TAFA2: variants seen among roughly 807,000 people sequenced by gnomAD.
TAFA2 encodes chemokine-like protein TAFA-2.
A neutral mutation model predicts 18.8 loss-of-function variants in TAFA2; 7 were observed. That is an observed-to-expected ratio of 0.37 (90% CI 0.21 to 0.70). The LOEUF is 0.70. Ranked by LOEUF, TAFA2 falls within the 30% of genes least tolerant of loss-of-function variation. The pLI, the probability that TAFA2 is intolerant of heterozygous loss-of-function variation, is 0.53. For missense variants in TAFA2, 122 were observed against 158.1 expected, an observed-to-expected ratio of 0.77 and a Z score of 1.23; for synonymous variants, 60 against 54.2, an observed-to-expected ratio of 1.11 and a Z score of -0.47.
At chr12:61,991,256 T>A (rs1879999972) in intron 1 of TAFA2, among the ~76,000 whole-genome samples, 1 of 152,246 alleles carries the variant, frequency 6.6e-6, no homozygotes, top group African/African-American at 2.4e-5. Context: ...CTAACACATA[T>A]AAAGTAAGTG....
chr12:61,967,808 G>GA (rs1435676329), intron 1 of TAFA2, among the ~76,000 whole-genome samples: 1 of 151,762 alleles, frequency 6.6e-6, no homozygotes, highest in Middle Eastern at 3.2e-3. Flanking sequence ...AATGAATGGG[G>GA]AAAAAATATA....
chr12:61,915,104 T>G (rs983484932), intron 1 of TAFA2, among the ~76,000 whole-genome samples: 3 of 152,262 alleles, frequency 2.0e-5, no homozygotes, highest in African/African-American at 7.2e-5. Context: ...GAGGTTGTGG[T>G]GAGCCAAGAT....
intron 4 of TAFA2, among the ~76,000 whole-genome samples, chr12:61,744,763 T>C (rs1013425835): frequency 2.6e-5 from 4 of 152,078 alleles, no homozygotes; most frequent in African/African-American, 7.2e-5. Context: ...GTTGCCCATG[T>C]TGGTCTTTAA....
intron 1 of TAFA2, among the ~76,000 whole-genome samples, chr12:62,226,356 G>C (rs2062786561): frequency 6.6e-6 from 1 of 152,068 alleles, no homozygotes; most frequent in Non-Finnish European, 1.5e-5. Context: ...ACCACGCCTG[G>C]CTAATTTTGT....
chr12:62,238,656 A>G (rs1592414980), intron 1 of TAFA2, among the ~76,000 whole-genome samples: 1 of 152,214 alleles, frequency 6.6e-6, no homozygotes, highest in East Asian at 1.9e-4. Flanking sequence ...AAATCTGACC[A>G]TCCCACAAGA....
At chr12:61,749,513 T>C (rs1868906171) in intron 4 of TAFA2, among the ~76,000 whole-genome samples, 1 of 152,144 alleles carries the variant, frequency 6.6e-6, no homozygotes, top group Admixed American at 6.6e-5. Flanking sequence ...TGAGTACTAT[T>C]AATATAAAAT....
At chr12:61,833,069 C>T (rs971804381) in intron 2 of TAFA2, among the ~76,000 whole-genome samples, 3 of 146,086 alleles carry the variant, frequency 2.1e-5, no homozygotes, top group Non-Finnish European at 3.0e-5. Context: ...AATATATATA[C>T]ATATATAAAT....
At chr12:61,715,641 C>G (rs12424523) in intron 4 of TAFA2, among the ~76,000 whole-genome samples, 1 of 151,726 alleles carries the variant, frequency 6.6e-6, no homozygotes, top group Non-Finnish European at 1.5e-5. Flanking sequence ...CATGAGCCAC[C>G]GCGCCCAGCC....
Position 61,867,258 on chromosome 12 carries a change from C to A in TAFA2, c.106+62G>T, listed in dbSNP as rs1185277280. The A allele has an allele frequency of 3.1e-5, 32 of 1,044,572 alleles. No individual in the cohort carries two copies. The East Asian group carries it at 7.5e-4, about 24-fold the overall frequency. The allele number at this position is 1,044,572 out of a possible 1,614,324, so 64.7% of individuals were successfully genotyped here. ...ACAGACCAGTGGAGGCAAAACATAA[C>A]AGTCTGTGTTAAGGGTAGTCATCAT... On this transcript the variant is annotated intron_variant, in intron 2 of 4. Coordinates refer to ENST00000416284, the MANE Select transcript of TAFA2 (RefSeq NM_178539.5).
chr12:62,002,468 C>G (rs1209021156), intron 1 of TAFA2, among the ~76,000 whole-genome samples: 2 of 152,116 alleles, frequency 1.3e-5, no homozygotes, highest in African/African-American at 4.8e-5. Context: ...CTTTGCTTCT[C>G]AAGATAGCTT....
chr12:61,940,252 T>C (rs907521165), intron 1 of TAFA2, among the ~76,000 whole-genome samples: 1 of 152,170 alleles, frequency 6.6e-6, no homozygotes, highest in Non-Finnish European at 1.5e-5. Context: ...CAGTGCTTGG[T>C]TTAATGCCCT....
At chr12:61,877,996 A>G in intron 1 of TAFA2, 1 of 450,002 alleles carries the variant, frequency 2.2e-6, no homozygotes. Context: ...TTAAAAAGAA[A>G]TTACAACATA....
chr12:61,923,567 A>G (rs1877150655), intron 1 of TAFA2, among the ~76,000 whole-genome samples: 1 of 152,160 alleles, frequency 6.6e-6, no homozygotes, highest in Non-Finnish European at 1.5e-5. Flanking sequence ...TGCCCACACA[A>G]AAATGCCATC....
intron 1 of TAFA2, among the ~76,000 whole-genome samples, chr12:62,001,743 G>A (rs2136701337): frequency 6.6e-6 from 1 of 152,286 alleles, no homozygotes; most frequent in East Asian, 1.9e-4. Flanking sequence ...ATGCCCATCT[G>A]TGGCCCAGGG....
chr12:61,759,162 C>T (rs930640264), intron 2 of TAFA2, among the ~76,000 whole-genome samples: 2 of 151,936 alleles, frequency 1.3e-5, no homozygotes, highest in African/African-American at 2.4e-5. Flanking sequence ...CATTTCCATA[C>T]AAAATCAAAA....
At chr12:61,968,597 G>T (rs1879144062) in intron 1 of TAFA2, among the ~76,000 whole-genome samples, 1 of 151,632 alleles carries the variant, frequency 6.6e-6, no homozygotes, top group Non-Finnish European at 1.5e-5. Context: ...ATTTTCAGGG[G>T]TATTATGATT....
intron 1 of TAFA2, among the ~76,000 whole-genome samples, chr12:62,136,391 T>G (rs1870897106): frequency 6.6e-6 from 1 of 152,166 alleles, no homozygotes; most frequent in South Asian, 2.1e-4. Flanking sequence ...CTGTCAACCC[T>G]AATAATTTCA....
intron 1 of TAFA2, among the ~76,000 whole-genome samples, chr12:62,127,043 C>A (rs911920895): frequency 2.6e-5 from 4 of 151,954 alleles, no homozygotes; most frequent in African/African-American, 9.7e-5. Context: ...TTGGATGAAC[C>A]CAAACACTTC....
rs1881027865 is a variant in TAFA2, at chr12:62,018,939, A to C, written c.-1-151513T>G. 3.3e-5 allele frequency among the ~76,000 whole-genome samples: 5 copies of C among 152,330 alleles called. No individual in the cohort carries two copies. In the South Asian group the frequency reaches 1.0e-3, roughly 32 times the overall value. ...CTCTCTACTCATCTGACAAAGGGCT[A>C]ATATCCAGAATCTACAATGAACTCA... On this transcript the variant is annotated intron_variant, in intron 1 of 4. Transcript: ENST00000416284.
Sources: allele counts gnomAD v4.1 joint callset (sites outside exome capture counted in the v4.1 genomes callset), GRCh38; gene constraint gnomAD v4.1.1; transcripts MANE v1.5; gene names NCBI Gene and HGNC (gene_info 2026-07-23, HGNC 2026-07-21).